The following COL1A2 variants were observed in gnomAD, a reference collection of about 807,000 sequenced individuals.
COL1A2 encodes the protein collagen type I alpha 2 chain, also known as collagen alpha-2(I) chain.
Under a neutral mutation model 174.3 loss-of-function variants are expected in COL1A2, and 49 were observed. The ratio of observed to expected loss-of-function variants is 0.28; its 90% CI spans 0.22 to 0.36. The LOEUF is 0.36. Among genes scored for constraint, COL1A2 ranks in the 10% least tolerant of loss-of-function variants. The pLI is 1.00. For synonymous variants in COL1A2, 655 were observed against 606.6 expected, an observed-to-expected ratio of 1.08 and a Z score of -1.17; for missense variants, 1,438 against 1,822.7, an observed-to-expected ratio of 0.79 and a Z score of 3.84.
intron 25 of COL1A2, 131 bp downstream of exon 25, chr7:94,412,813 A>G: frequency 1.2e-6 from 1 of 830,196 alleles, no homozygotes; most frequent in Non-Finnish European, 2.0e-6. Flanking sequence ...ACTGCAGGCC[A>G]CTTATCACAT....
chr7:94,420,321 A>G (rs755874005), intron 35 of COL1A2, 35 bp downstream of exon 35: 1 of 1,614,012 alleles, frequency 6.2e-7, no homozygotes, highest in Admixed American at 1.7e-5. Context: ...GTATACTCAC[A>G]CCTCACAATG....
At chr7:94,407,783 T>C (rs1791832861) in intron 12 of COL1A2, 64 bp from the exon 13 acceptor site, 1 of 1,442,836 alleles carries the variant, frequency 6.9e-7, no homozygotes, top group Non-Finnish European at 9.7e-7. Flanking sequence ...TAGAGTAAAA[T>C]TGCACTATCA....
intron 42 of COL1A2, 84 bp downstream of exon 42, chr7:94,425,308 C>A: frequency 7.7e-7 from 1 of 1,299,938 alleles, no homozygotes; most frequent in East Asian, 2.4e-5. Flanking sequence ...AGGTTCTCTT[C>A]TTCCAAATTT....
chr7:94,427,056 C>A lies in COL1A2; in HGVS notation c.3154C>A (p.Pro1052Thr). ...GAPGSVGPAG[P>T]RGPAGPSGPA... ...TCCTGGCTCCGTGGGTCCTGCTGGT[C>A]CTAGGGTAGGTGGACTCAAGAGAAG... Residue 1052 changes from proline (P) to threonine (T), a missense_variant, in exon 47 of 52, where the codon CCT (proline) becomes ACT (threonine). Around this residue, in one of 3 missense-constraint regions of COL1A2, gnomAD observed 867 missense variants for 1,213.7 expected, o/e 0.71. Coordinates refer to ENST00000297268, the MANE Select transcript of COL1A2 (RefSeq NM_000089.4). The A allele has an allele frequency of 1.9e-6, 3 of 1,613,968 alleles. No individual in the cohort carries two copies. The highest frequency in any genetic ancestry group is 2.5e-6 in the Non-Finnish European group (3 of 1,179,938).
At position 94,405,266 on chromosome 7, in the gene COL1A2, C is replaced by T; in HGVS notation, c.486+14C>T. ...GTTGGACCACAGGTGAGACTTTTTA[C>T]ATTGGTAGATAGCACAAACATCATA... On this transcript the variant is annotated intron_variant, in intron 10 of 51. Transcript: ENST00000297268. 1 of 1,613,182 alleles carries T rather than the reference C, an allele frequency of 6.2e-7. No homozygotes were observed. The highest frequency in any genetic ancestry group is 8.5e-7 in the Non-Finnish European group (1 of 1,179,342).
At chr7:94,428,589 C>A in intron 50 of COL1A2, 112 bp downstream of exon 50, 5 of 1,038,672 alleles carry the variant, frequency 4.8e-6, no homozygotes, top group Non-Finnish European at 7.2e-6. Flanking sequence ...AAAAAAAGAC[C>A]TGTTCCTTTC....
chr7:94,418,390 G>A (rs1792084992), intron 32 of COL1A2, 109 bp from the exon 33 acceptor site: 3 of 819,396 alleles, frequency 3.7e-6, no homozygotes, highest in African/African-American at 3.4e-5. Flanking sequence ...AATCTTAAAT[G>A]ACTGAAGGTA....
At chr7:94,398,936 A>G in intron 3 of COL1A2, 113 bp from the exon 4 acceptor site, 1 of 974,420 alleles carries the variant, frequency 1.0e-6, no homozygotes, top group Non-Finnish European at 1.7e-6. Flanking sequence ...CTATCTAATA[A>G]CATTGTAGTT....
intron 12 of COL1A2, among the ~76,000 whole-genome samples, chr7:94,407,361 T>TACTACTAC (rs1326239188): frequency 1.3e-5 from 2 of 151,998 alleles, no homozygotes; most frequent in Non-Finnish European, 2.9e-5. Context: ...CTACTACTAC[T>TACTACTAC]ACCCTGGTTT....
At position 94,427,557 on chromosome 7, in the gene COL1A2, T is replaced by C. The variant is rs1410711923; in HGVS notation, c.3268-70T>C. 10 of 1,558,596 alleles carry C rather than the reference T, an allele frequency of 6.4e-6. No individual in the cohort carries two copies. The African/African-American group carries it at 1.4e-4, about 21-fold the overall frequency. ...CTTCCGTGTGAAGCTCAACTGAAAA[T>C]CTGCTGCCATGGATGTCTCTCACTG... On this transcript the variant is annotated intron_variant, in intron 48 of 51. Coordinates refer to ENST00000297268, the MANE Select transcript of COL1A2 (RefSeq NM_000089.4).
chr7:94,422,820 A>C (rs1792194757), intron 39 of COL1A2, 137 bp from the exon 40 acceptor site: 1 of 1,103,088 alleles, frequency 9.1e-7, no homozygotes, highest in Admixed American at 1.9e-5. Flanking sequence ...AAAAACTATA[A>C]ATATTTCCCC....
At chr7:94,411,494 A>C (rs1190705672) in intron 23 of COL1A2, among the ~76,000 whole-genome samples, 3 of 152,196 alleles carry the variant, frequency 2.0e-5, no homozygotes, top group Non-Finnish European at 4.4e-5. Context: ...TATTAGGACT[A>C]TACATTTTTG....
intron 24 of COL1A2, 134 bp from the exon 25 acceptor site, chr7:94,412,450 T>A (rs531459957): frequency 3.4e-5 from 25 of 734,678 alleles, no homozygotes; most frequent in Non-Finnish European, 4.9e-5. Flanking sequence ...AATGGATTCA[T>A]AATTTATTAA....
At chr7:94,398,660 C>G (rs1455712582) in intron 3 of COL1A2, among the ~76,000 whole-genome samples, 1 of 151,576 alleles carries the variant, frequency 6.6e-6, no homozygotes, top group Admixed American at 6.6e-5. Context: ...TGTTTTTATT[C>G]TGGAGATGGA....
rs1584333779 is a variant in COL1A2 at position 94,430,686 on chromosome 7, A to T, written c.*293A>T. 2.6e-6 allele frequency: 1 copy of T among 382,056 alleles called. No homozygotes were observed. Among genetic ancestry groups the T allele is most frequent in the East Asian group, 5.4e-5 (1 of 18,488 alleles). 23.7% of individuals were successfully genotyped at this position (382,056 alleles called of 1,614,324 possible). ...AAACCAAAATAAAAATTGAAAAATA[A>T]AAACCATAAACATTTGCACCACTTG... On this transcript the variant is annotated 3_prime_UTR_variant, in exon 52 of 52. Coordinates refer to ENST00000297268, the MANE Select transcript of COL1A2 (RefSeq NM_000089.4).
intron 39 of COL1A2, chr7:94,422,572 T>TAAA (rs56747800): frequency 2.8e-5 from 5 of 179,464 alleles, no homozygotes; most frequent in South Asian, 1.1e-4. Flanking sequence ...TGGCTTTCTT[T>TAAA]AAAAAAAAAA....
In COL1A2 at chr7:94,425,617, C is replaced by T. The variant is rs1183633651; in HGVS notation, c.2789C>T (p.Pro930Leu). 2 of 1,614,064 alleles carry T rather than the reference C, an allele frequency of 1.2e-6. No individual in the cohort carries two copies. The highest frequency in any genetic ancestry group is 1.7e-6 in the Non-Finnish European group (2 of 1,179,944). ...TGTGTGGTGTCTTCACAGGGCAACC[C>T]TGGGAACGATGGTCCCCCAGGTCGC... ...APGEAGRDGNPGNDGPPGRDG... is the reference protein window; with the variant it reads ...APGEAGRDGNLGNDGPPGRDG... The change falls in exon 43 of 52, where the codon CCT (proline) becomes CTT (leucine). Residue 930 changes from proline to leucine, a missense_variant. Transcript: ENST00000297268.
rs2621208 is a variant in COL1A2 at position 94,410,098 on chromosome 7, C to G, written c.1036-144C>G. ...CGACCAATAATACCATTCCCCTGTA[C>G]TCAATTTAAATATGAACAGGGTACA... is the stretch of plus-strand genomic sequence containing the variant. On this transcript the variant is annotated intron_variant, in intron 19 of 51. Transcript: ENST00000297268. 204,700 of 883,766 alleles carry G rather than the reference C, an allele frequency of 0.23. 26,173 individuals are homozygous for G. The highest frequency in any genetic ancestry group is 0.5 in the East Asian group (18,924 of 38,060). 54.7% of individuals were successfully genotyped at this position (883,766 alleles called of 1,614,324 possible). A position where few individuals can be genotyped will look rare whatever the true frequency, so the allele number is the denominator to read the frequency against.
At chr7:94,397,001 T>G (rs1342977509) in intron 1 of COL1A2, among the ~76,000 whole-genome samples, 1 of 152,172 alleles carries the variant, frequency 6.6e-6, no homozygotes, top group Non-Finnish European at 1.5e-5. Context: ...CTTTTGTTTA[T>G]TTTTTCTATT....
Sources: allele counts gnomAD v4.1 joint callset (sites outside exome capture counted in the v4.1 genomes callset), GRCh38; gene constraint gnomAD v4.1.1; regional missense constraint gnomAD v4.1.1; transcripts MANE v1.5; gene names NCBI Gene and HGNC (gene_info 2026-07-23, HGNC 2026-07-21).